GOLPH3: variants seen among roughly 807,000 people sequenced by gnomAD.
The protein encoded by GOLPH3 is golgi phosphoprotein 3.
In GOLPH3, 14 loss-of-function variants were observed where a neutral mutation model predicts 28.5. That is an observed-to-expected ratio of 0.49 (90% CI 0.32 to 0.77). The LOEUF (loss-of-function observed/expected upper bound fraction) is 0.77. Among genes scored for constraint, GOLPH3 ranks in the 30% least tolerant of loss-of-function variants. GOLPH3 has a pLI of 0.03. For synonymous variants in GOLPH3, 158 were observed against 159.2 expected, an observed-to-expected ratio of 0.99 and a Z score of 0.06; for missense variants, 350 against 393.7, an observed-to-expected ratio of 0.89 and a Z score of 0.94.
intron 1 of GOLPH3, among the ~76,000 whole-genome samples, chr5:32,171,476 A>G (rs1027532191): frequency 2.6e-4 from 40 of 151,294 alleles, no homozygotes; most frequent in African/African-American, 8.8e-4. Context: ...GAACACCAAA[A>G]GCTTATTTTT....
chr5:32,164,191 T>C (rs1232544308), intron 1 of GOLPH3, among the ~76,000 whole-genome samples: 1 of 152,212 alleles, frequency 6.6e-6, no homozygotes, highest in Non-Finnish European at 1.5e-5. Context: ...AAAAGATTTC[T>C]AAACCTCAAC....
At chr5:32,162,134 G>A (rs1205945426) in intron 1 of GOLPH3, among the ~76,000 whole-genome samples, 1 of 151,370 alleles carries the variant, frequency 6.6e-6, no homozygotes, top group Non-Finnish European at 1.5e-5. Flanking sequence ...ATTACAAAAA[G>A]GAAACTGACC....
At position 32,127,518 on chromosome 5, in the gene GOLPH3, T is replaced by G. The variant is rs543868906; in HGVS notation, c.473-882A>C. 2.3e-4 allele frequency among the ~76,000 whole-genome samples: 35 copies of G among 152,358 alleles called. 1 individual carries two copies. In the South Asian group the frequency reaches 6.6e-3, roughly 29 times the overall value. ...CCACACTGTCCATTACAGGAGCCAT[T>G]ACCCACATAGAGCTATTTAAATTAA... On this transcript the variant is annotated intron_variant, in intron 3 of 3. Transcript: ENST00000265070.
At chr5:32,127,487 C>T (rs965051042) in intron 3 of GOLPH3, among the ~76,000 whole-genome samples, 9 of 152,152 alleles carry the variant, frequency 5.9e-5, no homozygotes, top group Non-Finnish European at 8.8e-5. Flanking sequence ...GAGAGAAAAC[C>T]TTCAGCCACA....
intron 1 of GOLPH3, among the ~76,000 whole-genome samples, chr5:32,147,932 T>C (rs1035429106): frequency 6.6e-6 from 1 of 152,168 alleles, no homozygotes; most frequent in African/African-American, 2.4e-5. Context: ...TTTCTTCATA[T>C]AAAACAAGTT....
At chr5:32,154,327 T>A (rs534910849) in intron 1 of GOLPH3, among the ~76,000 whole-genome samples, 17 of 152,308 alleles carry the variant, frequency 1.1e-4, no homozygotes, top group African/African-American at 3.8e-4. Context: ...ATCAAAATAT[T>A]AAAAATGAAT....
intron 1 of GOLPH3, among the ~76,000 whole-genome samples, chr5:32,154,949 G>A (rs1746385742): frequency 6.6e-6 from 1 of 152,088 alleles, no homozygotes; most frequent in African/African-American, 2.4e-5. Context: ...CAGGCGTGGT[G>A]GCATGCGCCT....
chr5:32,157,745 G>A (rs995181828), intron 1 of GOLPH3, among the ~76,000 whole-genome samples: 1 of 152,152 alleles, frequency 6.6e-6, no homozygotes, highest in Non-Finnish European at 1.5e-5. Context: ...GGGAGGCTAA[G>A]GCGGGTGGAT....
rs183154391 is a variant in GOLPH3, at chr5:32,126,186, A to T, written c.*26T>A. On this transcript the variant is annotated 3_prime_UTR_variant, in exon 4 of 4. Coordinates refer to ENST00000265070, the MANE Select transcript of GOLPH3 (RefSeq NM_022130.4). ...AAAACTACTGGTTTACTTGAGAGAA[A>T]GGAGAATGGTTCACCCCGAGCAGAG... 80 of 1,580,558 alleles carry T rather than the reference A, an allele frequency of 5.1e-5. 1 individual carries two copies. The East Asian group carries it at 1.7e-3, about 33-fold the overall frequency.
chr5:32,173,603 G>A (rs1024951745), intron 1 of GOLPH3: 4 of 382,458 alleles, frequency 1.0e-5, no homozygotes, highest in Middle Eastern at 6.7e-4. Context: ...ATCTCTACGG[G>A]GAGGATCCAG....
At chr5:32,147,826 G>C (rs1255181488) in intron 1 of GOLPH3, among the ~76,000 whole-genome samples, 2 of 152,080 alleles carry the variant, frequency 1.3e-5, no homozygotes, top group East Asian at 3.8e-4. Flanking sequence ...AAGTAGTAAA[G>C]AACTGTGCTC....
chr5:32,168,941 C>T (rs934352084), intron 1 of GOLPH3, among the ~76,000 whole-genome samples: 1 of 150,610 alleles, frequency 6.6e-6, no homozygotes, highest in African/African-American at 2.4e-5. Context: ...CCTGGCGACA[C>T]AGCACAATCT....
intron 1 of GOLPH3, among the ~76,000 whole-genome samples, chr5:32,168,605 GA>G (rs1004191144): frequency 1.8e-4 from 27 of 152,114 alleles, no homozygotes; most frequent in African/African-American, 6.0e-4. Context: ...AATCAGACTG[GA>G]AAAAAACAGT....
chr5:32,137,774 C>T (rs1359921756), intron 2 of GOLPH3, among the ~76,000 whole-genome samples: 1 of 152,128 alleles, frequency 6.6e-6, no homozygotes, highest in Non-Finnish European at 1.5e-5. Context: ...ACCCTATAGC[C>T]TTCATTCACG....
intron 1 of GOLPH3, among the ~76,000 whole-genome samples, chr5:32,158,638 G>A (rs941685143): frequency 1.3e-5 from 2 of 151,970 alleles, no homozygotes; most frequent in African/African-American, 4.8e-5. Flanking sequence ...GCTCCTGCTC[G>A]GGCTCTTTGT....
At chr5:32,140,951 C>T (rs1581542266) in intron 2 of GOLPH3, among the ~76,000 whole-genome samples, 1 of 152,114 alleles carries the variant, frequency 6.6e-6, no homozygotes, top group South Asian at 2.1e-4. Context: ...TCACTTGAGC[C>T]CAGGAGTTCG....
Position 32,173,968 on chromosome 5 carries a change from C to T in GOLPH3, c.67G>A (p.Ala23Thr), listed in dbSNP as rs1183877250. ...CCGCCCGCCGCCCGCTCCTTGTCGG[C>T]GGCGTTGCGGGAGGCCTCGGTGCGC... Reference protein sequence around the residue: ...QRRTEASRNAADKERAAGGGA... With the variant: ...QRRTEASRNATDKERAAGGGA... Residue 23 changes from alanine (A) to threonine (T), a missense_variant, in exon 1 of 4, where the codon GCC becomes ACC. By Grantham distance (58) the Ala-to-Thr change is moderately conservative. Coordinates refer to ENST00000265070, the MANE Select transcript of GOLPH3 (RefSeq NM_022130.4). The T allele has an allele frequency of 4.3e-6, 6 of 1,406,726 alleles. No individual in the cohort carries two copies. The South Asian group carries it at 6.2e-5, about 14-fold the overall frequency. The allele number at this position is 1,406,726 out of a possible 1,614,324, so 87.1% of individuals were successfully genotyped here.
chr5:32,173,997 T>G lies in GOLPH3; in HGVS notation c.38A>C (p.Gln13Pro). 7.5e-7 allele frequency: 1 copy of G among 1,342,034 alleles called. No individual in the cohort carries two copies. 83.1% of individuals were successfully genotyped at this position (1,342,034 alleles called of 1,614,324 possible). A position where few individuals can be genotyped will look rare whatever the true frequency, so the allele number is the denominator to read the frequency against. ...GTTGCGGGAGGCCTCGGTGCGCCGC[T>G]GCACCAGGCCGGAGCTGCGCTGGGT... The part of the protein sequence containing the change: ...SLTQRSSGLV[Q>P]RRTEASRNAA... The change falls in exon 1 of 4, where the codon CAG becomes CCG. Residue 13 changes from glutamine (Q) to proline (P), a missense_variant. By Grantham distance (76) the Gln-to-Pro change is moderately conservative (BLOSUM62 -1). Coordinates refer to ENST00000265070, the MANE Select transcript of GOLPH3 (RefSeq NM_022130.4).
rs147489528 is a variant in GOLPH3, at chr5:32,163,409, G to A, written c.225+10401C>T. ...TTTTCTTTGTGGCCGGGGGCACAGC[G>A]GCTCACATCTGTGATCCCAGCACTT... is the stretch of plus-strand genomic sequence containing the variant. On this transcript the variant is annotated intron_variant, in intron 1 of 3. Transcript: ENST00000265070. 3.0e-3 allele frequency among the ~76,000 whole-genome samples: 459 copies of A among 152,276 alleles called. 2 individuals carry two copies. Among genetic ancestry groups the A allele is most frequent in the African/African-American group, 0.011 (442 of 41,558 alleles).
Sources: gnomAD v4.1 joint callset for allele counts (sites outside exome capture counted in the v4.1 genomes callset) on GRCh38, gnomAD v4.1.1 for gene constraint, MANE v1.5 for transcripts, NCBI Gene and HGNC (gene_info 2026-07-23, HGNC 2026-07-21) for gene names.